The following SETD9 variants were observed in gnomAD, a reference collection of about 807,000 sequenced individuals.
The protein encoded by SETD9 is SET domain-containing protein 9.
In SETD9, 37 loss-of-function variants were observed where a neutral mutation model predicts 36.4. The ratio of observed to expected loss-of-function variants is 1.02; its 90% CI spans 0.78 to 1.34. SETD9 has a LOEUF of 1.34. SETD9 is among the 40% of genes most tolerant of loss of function. The pLI, the probability that SETD9 is intolerant of heterozygous loss-of-function variation, is 0.00. For synonymous variants in SETD9, 128 were observed against 132.9 expected (o/e 0.96, Z 0.26); for missense variants, 323 against 353.2 (o/e 0.91, Z 0.69).
chr5:56,918,308 A>G (rs903398134), downstream of SETD9, among the ~76,000 whole-genome samples: 1 of 152,100 alleles, frequency 6.6e-6, no homozygotes, highest in Non-Finnish European at 1.5e-5. Context: ...CTTCCCCCAG[A>G]CAGCCACATA....
intron 2 of SETD9, among the ~76,000 whole-genome samples, 181 bp from the exon 3 acceptor site, chr5:56,912,830 C>T (rs961844361): frequency 1.3e-5 from 2 of 152,088 alleles, no homozygotes; most frequent in Non-Finnish European, 2.9e-5. Flanking sequence ...CCAAGATAGC[C>T]ATATTCTGTT....
chr5:56,919,111 C>T (rs1391300541), downstream of SETD9, among the ~76,000 whole-genome samples: 1 of 145,392 alleles, frequency 6.9e-6, no homozygotes, highest in African/African-American at 2.6e-5. Context: ...AAGTATAATC[C>T]TTACTTTGGG....
At chr5:56,924,158 GTTCTGAACAC>G in intron 5 of SETD9, 1 of 971,524 alleles carries the variant, frequency 1.0e-6, no homozygotes, top group East Asian at 2.5e-5. Flanking sequence ...CCATTATATA[GTTCTGAACAC>G]TTTTAATAAA....
chr5:56,910,074 G>A, intron 1 of SETD9: 1 of 1,266,922 alleles, frequency 7.9e-7, no homozygotes, highest in Non-Finnish European at 1.0e-6. Flanking sequence ...GGCCGAGCTC[G>A]CCAGCCGGAT....
At chr5:56,912,383 AC>A in intron 2 of SETD9, 2 of 404,450 alleles carry the variant, frequency 4.9e-6, no homozygotes, top group African/African-American at 2.2e-5. Flanking sequence ...AGTCAGATAG[AC>A]CCAGGTTTTT....
At position 56,910,014 on chromosome 5, in the gene SETD9, C is replaced by T. The variant is rs536007431; in HGVS notation, c.98+271C>T. The T allele has an allele frequency of 3.7e-4, 494 of 1,345,950 alleles. 6 individuals carry two copies. The African/African-American group carries it at 6.1e-3, about 17-fold the overall frequency. The allele number at this position is 1,345,950 out of a possible 1,614,324, so 83.4% of individuals were successfully genotyped here. ...GAAGTGGGCGGTGGCTTCAGGTGGG[C>T]GGGGCCTATGGCCTCTTTCCCAGTG... is the stretch of plus-strand genomic sequence containing the variant. On this transcript the variant is annotated intron_variant, in intron 1 of 5. Transcript: ENST00000285947.
intron 5 of SETD9, chr5:56,922,558 T>G (rs1749722082): frequency 6.5e-6 from 1 of 153,382 alleles, no homozygotes; most frequent in Non-Finnish European, 1.5e-5. Flanking sequence ...GAAGTTTCCA[T>G]TTTTAAAAAA....
In SETD9 at chr5:56,917,184, A is replaced by G. The variant is rs560649407; in HGVS notation, c.*282A>G. 10 of 1,084,250 alleles carry G rather than the reference A, an allele frequency of 9.2e-6. No individual in the cohort carries two copies. In the South Asian group the frequency reaches 3.2e-4, roughly 34 times the overall value. The allele number at this position is 1,084,250 out of a possible 1,614,324, so 67.2% of individuals were successfully genotyped here. On this transcript the variant is annotated 3_prime_UTR_variant, in exon 6 of 6. Transcript: ENST00000285947. ...ATTAAAACCTACTCTTTGAACTTATAATTTCAATTTTTCTTTTGTTTATTT... is the reference window on the plus strand; with the variant it reads ...ATTAAAACCTACTCTTTGAACTTATGATTTCAATTTTTCTTTTGTTTATTT...
downstream of SETD9, chr5:56,921,714 A>G (rs913735117): frequency 1.3e-5 from 2 of 152,672 alleles, no homozygotes; most frequent in African/African-American, 4.8e-5. Context: ...TTAGCAATGC[A>G]GCCAAACATT....
At position 56,911,410 on chromosome 5, in the gene SETD9, G is replaced by T. The variant is rs1749117067; in HGVS notation, c.340G>T (p.Glu114Ter). ...ACAGCAAAGTACCTTTAAACCAGAA[G>T]AAATTCTTTACAAGACTTTGGGTTT... ...HQQQSTFKPEEILYKTLGFSV... is the reference protein window; with the variant it reads ...HQQQSTFKPE The change falls in exon 2 of 6, where the codon GAA becomes TAA. Residue 114 changes from glutamate to a stop codon, truncating the protein, a stop_gained. Transcript: ENST00000285947. LOFTEE classifies it high-confidence loss of function. 2 of 1,613,566 alleles carry T rather than the reference G, an allele frequency of 1.2e-6. No individual in the cohort carries two copies. The highest frequency in any genetic ancestry group is 1.7e-6 in the Non-Finnish European group (2 of 1,179,912).
exon 6 of SETD9, chr5:56,925,452 C>A: frequency 2.7e-6 from 1 of 367,714 alleles, no homozygotes; most frequent in Non-Finnish European, 5.3e-6. Context: ...AACTGCTTTC[C>A]TATATAACAG....
chr5:56,923,349 G>A, intron 5 of SETD9: 1 of 1,614,122 alleles, frequency 6.2e-7, no homozygotes, highest in Non-Finnish European at 8.5e-7. Flanking sequence ...CTTTTTGCTG[G>A]TCTCTCTGAC....
chr5:56,915,124 T>G (rs1177367960), intron 5 of SETD9, among the ~76,000 whole-genome samples, 158 bp downstream of exon 5: 1 of 152,212 alleles, frequency 6.6e-6, no homozygotes, highest in Admixed American at 6.5e-5. Flanking sequence ...TAATGTAGGC[T>G]TATTTGAAAT....
At chr5:56,909,957 G>C in intron 1 of SETD9, 1 of 1,190,718 alleles carries the variant, frequency 8.4e-7, no homozygotes, top group Non-Finnish European at 1.1e-6. Context: ...GCGGGGCCGA[G>C]GTTGGTGGAG....
At chr5:56,920,060 GTTAAA>G (rs1190755047), downstream of SETD9, 3 of 152,612 alleles carry the variant, frequency 2.0e-5, no homozygotes, top group Non-Finnish European at 2.9e-5. Flanking sequence ...AGAGACTTTG[GTTAAA>G]TTAAATAGTA....
Position 56,924,183 on chromosome 5 carries a change from A to G in SETD9, c.813-1150A>G. The G allele has an allele frequency of 1.1e-5, 9 of 822,228 alleles. 1 individual carries two copies. The South Asian group carries it at 2.0e-4, about 18-fold the overall frequency. The allele number at this position is 822,228 out of a possible 1,614,324, so 50.9% of individuals were successfully genotyped here. ...GTTCTGAACACTTTTAATAAATTAT[A>G]AAGTTCTGAACACTTTGATTAGTGG... On this transcript the variant is annotated intron_variant, in intron 5 of 5. Coordinates refer to the SETD9 transcript ENST00000628593.
At chr5:56,924,092 T>C in intron 5 of SETD9, 3 of 1,580,090 alleles carry the variant, frequency 1.9e-6, no homozygotes, top group Non-Finnish European at 2.6e-6. Context: ...AACCATTTTT[T>C]TAAGCAACTT....
intron 1 of SETD9, chr5:56,910,179 G>A (rs1378780681): frequency 1.9e-5 from 23 of 1,239,130 alleles, no homozygotes; most frequent in Non-Finnish European, 2.1e-5. Flanking sequence ...CCCTTACCGC[G>A]TGAGAGTGCG....
At chr5:56,919,630 A>G (rs895168496), downstream of SETD9, 2 of 152,646 alleles carry the variant, frequency 1.3e-5, no homozygotes, top group African/African-American at 4.8e-5. Flanking sequence ...TATTTCTGGA[A>G]CTGTACACCA....
Sources: gnomAD v4.1 joint callset for allele counts (sites outside exome capture counted in the v4.1 genomes callset) on GRCh38, gnomAD v4.1.1 for gene constraint, MANE v1.5 for transcripts, NCBI Gene and HGNC (gene_info 2026-07-23, HGNC 2026-07-21) for gene names.